Variants in DOCK4 observed in about 807,000 individuals in gnomAD.
DOCK4 encodes the protein dedicator of cytokinesis protein 4.
A neutral mutation model predicts 268.1 loss-of-function variants in DOCK4; 97 were observed. The observed-to-expected ratio is 0.36, with a 90% CI of 0.31 to 0.43. The LOEUF (loss-of-function observed/expected upper bound fraction) is 0.43. Ranked by LOEUF, DOCK4 falls within the 20% of genes least tolerant of loss-of-function variation. The pLI, the probability that DOCK4 is intolerant of heterozygous loss-of-function variation, is 1.00. For missense variants in DOCK4, 2,145 were observed against 2,455.7 expected, an observed-to-expected ratio of 0.87 and a Z score of 2.67; for synonymous variants, 954 against 887.2, an observed-to-expected ratio of 1.08 and a Z score of -1.34.
At chr7:112,201,051 T>C (rs1423743850) in intron 1 of DOCK4, among the ~76,000 whole-genome samples, 3 of 152,180 alleles carry the variant, frequency 2.0e-5, no homozygotes, top group African/African-American at 7.2e-5. Flanking sequence ...TGTAGATACA[T>C]CATAGGACCA....
At chr7:111,984,522 T>C in intron 6 of DOCK4, 132 bp from the exon 7 acceptor site, 1 of 708,666 alleles carries the variant, frequency 1.4e-6, no homozygotes, top group South Asian at 1.8e-5. Context: ...TTGTATGACT[T>C]GTTACCACAG....
chr7:112,056,037 G>C (rs1408819421), intron 1 of DOCK4, among the ~76,000 whole-genome samples: 3 of 152,142 alleles, frequency 2.0e-5, no homozygotes, highest in Non-Finnish European at 4.4e-5. Context: ...TATGATCAGA[G>C]GAAACTTTTC....
At chr7:111,958,702 G>A (rs566304432) in intron 8 of DOCK4, among the ~76,000 whole-genome samples, 26 of 151,998 alleles carry the variant, frequency 1.7e-4, no homozygotes, top group Non-Finnish European at 2.8e-4. Context: ...TTGGAATTTC[G>A]GGCCACCTAT....
intron 1 of DOCK4, among the ~76,000 whole-genome samples, chr7:112,148,170 A>G (rs941599868): frequency 6.6e-6 from 1 of 152,196 alleles, no homozygotes; most frequent in Non-Finnish European, 1.5e-5. Context: ...TTTAAGACAT[A>G]TAAAGCACTG....
At position 111,895,510 on chromosome 7, in the gene DOCK4, T is replaced by C. The variant is rs73715290; in HGVS notation, c.1587+102A>G. ...CCCTGACAGCAATCTTACAAGAATATTCATTTCAGTCATTTTTTTCTCTTT... is the reference window on the plus strand; with the variant it reads ...CCCTGACAGCAATCTTACAAGAATACTCATTTCAGTCATTTTTTTCTCTTT... On this transcript the variant is annotated intron_variant, in intron 16 of 52. Coordinates refer to ENST00000428084, the MANE Select transcript of DOCK4 (RefSeq NM_001363540.2). The C allele has an allele frequency of 6.5e-3, 6,431 of 995,256 alleles. 244 individuals are homozygous for C. The African/African-American group carries it at 0.09, about 14-fold the overall frequency. 61.7% of individuals were successfully genotyped at this position (995,256 alleles called of 1,614,324 possible).
rs1410926885 is a variant in DOCK4 at position 111,844,903 on chromosome 7, G to A, written c.2602-6C>T. 3 of 1,596,068 alleles carry A rather than the reference G, an allele frequency of 1.9e-6. No homozygotes were observed. The highest frequency in any genetic ancestry group is 1.1e-5 in the South Asian group (1 of 87,564). On this transcript the variant is annotated splice_region_variant and splice_polypyrimidine_tract_variant and intron_variant, in intron 24 of 52. Coordinates refer to ENST00000428084, the MANE Select transcript of DOCK4 (RefSeq NM_001363540.2). Reference sequence around the variant, plus strand: ...TCCTCCAGCACAGATTTTTCCTTAAGAGAAAAAAAATAATATGTTCAGGAA... The same window carrying A: ...TCCTCCAGCACAGATTTTTCCTTAAAAGAAAAAAAATAATATGTTCAGGAA...
chr7:112,202,471 GT>G (rs1219857856), intron 1 of DOCK4, among the ~76,000 whole-genome samples: 1 of 151,986 alleles, frequency 6.6e-6, no homozygotes, highest in African/African-American at 2.4e-5. Flanking sequence ...GATTTTAAAT[GT>G]TTTTTACACC....
intron 1 of DOCK4, among the ~76,000 whole-genome samples, chr7:112,045,424 C>T (rs1456025926): frequency 1.3e-5 from 2 of 152,154 alleles, no homozygotes; most frequent in African/African-American, 2.4e-5. Flanking sequence ...TTTTTCTCCT[C>T]ATTAAAATGT....
At chr7:111,985,842 C>A (rs1384591450) in intron 6 of DOCK4, among the ~76,000 whole-genome samples, 1 of 152,208 alleles carries the variant, frequency 6.6e-6, no homozygotes, top group Non-Finnish European at 1.5e-5. Context: ...GTCTGTTTTC[C>A]ATTCTCCATT....
At chr7:112,129,715 A>C (rs1007036987) in intron 1 of DOCK4, among the ~76,000 whole-genome samples, 3 of 152,190 alleles carry the variant, frequency 2.0e-5, no homozygotes, top group African/African-American at 7.2e-5. Flanking sequence ...ATGTAAGTAA[A>C]AGAAAAAACA....
At chr7:112,014,870 A>G (rs542008082) in intron 1 of DOCK4, among the ~76,000 whole-genome samples, 8 of 152,214 alleles carry the variant, frequency 5.3e-5, no homozygotes, top group African/African-American at 1.9e-4. Flanking sequence ...ACACCACTGC[A>G]CTCCGGCCTG....
chr7:111,916,086 C>A (rs1018708924), intron 12 of DOCK4, among the ~76,000 whole-genome samples, 182 bp from the exon 13 acceptor site: 1 of 152,166 alleles, frequency 6.6e-6, no homozygotes, highest in African/African-American at 2.4e-5. Context: ...ACTTCAACAT[C>A]TGAGTTTCCC....
intron 1 of DOCK4, among the ~76,000 whole-genome samples, chr7:112,179,777 A>T (rs1401423124): frequency 1.3e-5 from 2 of 152,230 alleles, no homozygotes; most frequent in African/African-American, 2.4e-5. Context: ...GGAGATTAGT[A>T]TAGATTTAAA....
intron 12 of DOCK4, among the ~76,000 whole-genome samples, chr7:111,922,551 C>T (rs1793230531): frequency 6.6e-6 from 1 of 151,876 alleles, no homozygotes; most frequent in Non-Finnish European, 1.5e-5. Context: ...TCTCTTCGTA[C>T]ACACTTGCTT....
At chr7:112,024,049 T>A (rs1802561995) in intron 1 of DOCK4, among the ~76,000 whole-genome samples, 1 of 152,252 alleles carries the variant, frequency 6.6e-6, no homozygotes, top group Admixed American at 6.5e-5. Flanking sequence ...GTTTATCATG[T>A]ATACGTGAAT....
chr7:111,822,519 C>T, intron 26 of DOCK4, 63 bp from the exon 27 acceptor site: 1 of 1,315,980 alleles, frequency 7.6e-7, no homozygotes. Context: ...TACATACGCA[C>T]ATACACAGGC....
At chr7:111,944,209 A>G (rs1239823334) in intron 10 of DOCK4, among the ~76,000 whole-genome samples, 1 of 152,240 alleles carries the variant, frequency 6.6e-6, no homozygotes, top group East Asian at 1.9e-4. Context: ...GCTACATTAT[A>G]TAAGTGTTTT....
chr7:111,767,226 T>A, intron 37 of DOCK4, 108 bp from the exon 38 acceptor site: 105 of 649,654 alleles, frequency 1.6e-4, no homozygotes, highest in Middle Eastern at 3.4e-4. Context: ...TACTCCTTAA[T>A]CTTTTTTTTT....
chr7:112,038,265 T>A (rs1210847477), intron 1 of DOCK4, among the ~76,000 whole-genome samples: 1 of 152,222 alleles, frequency 6.6e-6, no homozygotes, highest in Non-Finnish European at 1.5e-5. Flanking sequence ...TCTCATTTTT[T>A]AAAAATATGT....
Sources: allele counts gnomAD v4.1 joint callset (sites outside exome capture counted in the v4.1 genomes callset), GRCh38; gene constraint gnomAD v4.1.1; transcripts MANE v1.5; gene names NCBI Gene and HGNC (gene_info 2026-07-23, HGNC 2026-07-21).